The following MPRIP variants were observed in gnomAD, a reference collection of about 807,000 sequenced individuals.
The protein encoded by MPRIP is myosin phosphatase Rho-interacting protein.
A neutral mutation model predicts 234.9 loss-of-function variants in MPRIP; 59 were observed. The ratio of observed to expected loss-of-function variants is 0.25; its 90% CI spans 0.20 to 0.31. MPRIP has a LOEUF of 0.31. MPRIP is among the 10% of genes least tolerant of loss of function. The probability of loss-of-function intolerance (pLI) is 1.00; values close to 1 mark genes in which losing one functional copy is unlikely to be tolerated. For missense variants in MPRIP, 2,436 were observed against 3,071.0 expected, an observed-to-expected ratio of 0.79 and a Z score of 4.89; for synonymous variants, 1,144 against 1,263.9, an observed-to-expected ratio of 0.91 and a Z score of 2.01.
At chr17:17,084,447 A>G (rs545164570) in intron 3 of MPRIP, among the ~76,000 whole-genome samples, 2 of 152,280 alleles carry the variant, frequency 1.3e-5, no homozygotes, top group East Asian at 3.9e-4. Flanking sequence ...CCCATTCTCT[A>G]TCCTACTTCT....
At chr17:17,048,944 C>A (rs2088444938) in intron 1 of MPRIP, among the ~76,000 whole-genome samples, 1 of 152,222 alleles carries the variant, frequency 6.6e-6, no homozygotes, top group South Asian at 2.1e-4. Context: ...AGTGTCCATC[C>A]ACTAATGCGT....
intron 1 of MPRIP, among the ~76,000 whole-genome samples, chr17:17,048,059 C>G (rs865855805): frequency 1.3e-5 from 2 of 151,764 alleles, no homozygotes; most frequent in Non-Finnish European, 1.5e-5. Context: ...GGTGATGTCT[C>G]TTTCTCCTGC....
At chr17:17,072,564 G>C (rs116407203) in intron 1 of MPRIP, among the ~76,000 whole-genome samples, 35 of 152,342 alleles carry the variant, frequency 2.3e-4, no homozygotes, top group African/African-American at 7.7e-4. Flanking sequence ...TGAGTTGTTA[G>C]AGACTGAGGG....
In MPRIP at chr17:17,096,861, G is replaced by A. The variant is rs1182079287; in HGVS notation, c.267+18785G>A. 12 of 454,248 alleles carry A rather than the reference G, an allele frequency of 2.6e-5. No homozygotes were observed. In the East Asian group the frequency reaches 8.4e-4, roughly 32 times the overall value. 28.1% of individuals were successfully genotyped at this position (454,248 alleles called of 1,614,324 possible). On this transcript the variant is annotated intron_variant, in intron 3 of 23. Transcript: ENST00000651222. Reference sequence around the variant, plus strand: ...GCTGCCTTGCTGTGTGCCTCAGAGGGGCTCAGAGGTGGAAAATAAATATGA... The same window carrying A: ...GCTGCCTTGCTGTGTGCCTCAGAGGAGCTCAGAGGTGGAAAATAAATATGA...
chr17:17,108,545 A>G (rs994194021), intron 3 of MPRIP, among the ~76,000 whole-genome samples: 3 of 152,218 alleles, frequency 2.0e-5, no homozygotes, highest in African/African-American at 7.2e-5. Flanking sequence ...AAATCTTCCC[A>G]GGTGATTACA....
Position 17,075,806 on chromosome 17 carries a change from A to G in MPRIP, c.201+19A>G, listed in dbSNP as rs759569020. 6.2e-7 allele frequency: 1 copy of G among 1,612,932 alleles called. No homozygotes were observed. Among genetic ancestry groups the G allele is most frequent in the African/African-American group, 1.3e-5 (1 of 74,860 alleles). On this transcript the variant is annotated intron_variant, in intron 2 of 23. Coordinates refer to ENST00000651222, the MANE Select transcript of MPRIP (RefSeq NM_001364716.4). ...GTCTCGGGTAAGGGCATCAGAGCCA[A>G]CTCTCAGGGAGGAACCAGAGAAGGG...
At chr17:17,111,350 G>A (rs887828848) in intron 3 of MPRIP, among the ~76,000 whole-genome samples, 1 of 152,090 alleles carries the variant, frequency 6.6e-6, no homozygotes, top group African/African-American at 2.4e-5. Context: ...TGAAGGACAG[G>A]GAAGACCAGC....
Position 17,165,276 on chromosome 17 carries a change from G to A in MPRIP, c.3685G>A (p.Glu1229Lys), listed in dbSNP as rs1216542420. 1.1e-5 allele frequency: 14 copies of A among 1,303,954 alleles called. No individual in the cohort carries two copies. Among genetic ancestry groups the A allele is most frequent in the Middle Eastern group, 2.1e-4 (1 of 4,720 alleles). The allele number at this position is 1,303,954 out of a possible 1,614,324, so 80.8% of individuals were successfully genotyped here. Residue 1229 changes from glutamate (E) to lysine (K), a missense_variant, in exon 16 of 24, where the codon GAG becomes AAG. By Grantham distance (56) the Glu-to-Lys change is moderately conservative (BLOSUM62 1). Transcript: ENST00000651222. ...AAGTGAATCTCCAAAGGACATGGAAGAGCCACGGAGTACCCCTGAAGAGAC... is the reference window on the plus strand; with the variant it reads ...AAGTGAATCTCCAAAGGACATGGAAAAGCCACGGAGTACCCCTGAAGAGAC... ...FASESPKDME[E>K]PRSTPEETER...
chr17:17,136,843 C>T (rs898629199), intron 6 of MPRIP, among the ~76,000 whole-genome samples: 4 of 152,134 alleles, frequency 2.6e-5, no homozygotes, highest in African/African-American at 9.7e-5. Context: ...TCTCACCATC[C>T]GCATTCTGCC....
chr17:17,074,273 G>C (rs1218235722), intron 1 of MPRIP, among the ~76,000 whole-genome samples: 1 of 152,246 alleles, frequency 6.6e-6, no homozygotes, highest in African/African-American at 2.4e-5. Context: ...GGGACTGGTT[G>C]TACCTTTTCC....
chr17:17,043,373 C>T (rs1239496280), intron 1 of MPRIP, among the ~76,000 whole-genome samples: 1 of 152,134 alleles, frequency 6.6e-6, no homozygotes, highest in East Asian at 1.9e-4. Context: ...CTGTGGGCTT[C>T]CGTCTAGTGG....
At chr17:17,131,478 G>A in intron 4 of MPRIP, 139 bp from the exon 5 acceptor site, 2 of 672,658 alleles carry the variant, frequency 3.0e-6, no homozygotes, top group East Asian at 2.7e-5. Context: ...TTGCTCTGTG[G>A]CACTTCTGGC....
At chr17:17,092,622 T>C (rs979820497) in intron 3 of MPRIP, among the ~76,000 whole-genome samples, 1 of 152,156 alleles carries the variant, frequency 6.6e-6, no homozygotes, top group African/African-American at 2.4e-5. Context: ...GATCAGACCC[T>C]GCGCTGAGCT....
chr17:17,165,324 C>G lies in MPRIP; in HGVS notation c.3733C>G (p.Pro1245Ala). Residue 1245 changes from proline (P) to alanine (A), a missense_variant, in exon 16 of 24, where the codon CCA becomes GCA. Around this residue, in one of 4 missense-constraint regions of MPRIP, gnomAD observed 1,998 missense variants for 2,520.3 expected, o/e 0.79. Coordinates refer to ENST00000651222, the MANE Select transcript of MPRIP (RefSeq NM_001364716.4). ...EETERDGTLL[P>A]GQPVQATRAP... ...GACAGAAAGGGATGGCACTTTGCTC[C>G]CAGGCCAACCAGTCCAAGCCACTAG... is the stretch of plus-strand genomic sequence containing the variant. 1 of 1,304,056 alleles carries G rather than the reference C, an allele frequency of 7.7e-7. No individual in the cohort carries two copies. Among genetic ancestry groups the G allele is most frequent in the Non-Finnish European group, 1.0e-6 (1 of 988,952 alleles). The allele number at this position is 1,304,056 out of a possible 1,614,324, so 80.8% of individuals were successfully genotyped here. A position where few individuals can be genotyped will look rare whatever the true frequency, so the allele number is the denominator to read the frequency against.
intron 3 of MPRIP, among the ~76,000 whole-genome samples, chr17:17,089,933 G>A (rs1159675852): frequency 6.6e-6 from 1 of 152,206 alleles, no homozygotes; most frequent in African/African-American, 2.4e-5. Flanking sequence ...GCAGAGCTTT[G>A]AAGGTTTCCC....
chr17:17,181,347 C>T (rs945020811), intron 23 of MPRIP, among the ~76,000 whole-genome samples: 2 of 152,090 alleles, frequency 1.3e-5, no homozygotes, highest in African/African-American at 2.4e-5. Flanking sequence ...GGAATGAGAA[C>T]ATGGAGGAAA....
chr17:17,131,124 C>T (rs1198676806), intron 4 of MPRIP, among the ~76,000 whole-genome samples: 1 of 152,166 alleles, frequency 6.6e-6, no homozygotes, highest in Non-Finnish European at 1.5e-5. Flanking sequence ...CCAGGGTGCC[C>T]AGCACCCTCC....
chr17:17,186,470 CA>C lies in MPRIP; in HGVS notation c.*1578del, dbSNP rs1415306450. ...CTCCACTGGCATCGAGCCCTTTCCA[CA>C]AGTTTTTAAGGCTCTTAACCCACAC... On this transcript the variant is annotated 3_prime_UTR_variant, in exon 24 of 24. Coordinates refer to ENST00000651222, the MANE Select transcript of MPRIP (RefSeq NM_001364716.4). The C allele has an allele frequency of 2.0e-5, 3 of 152,218 alleles. No individual in the cohort carries two copies. The highest frequency in any genetic ancestry group is 4.4e-5 in the Non-Finnish European group (3 of 68,046). The allele number at this position is 152,218 out of a possible 1,614,324, so 9.4% of individuals were successfully genotyped here.
At chr17:17,120,494 C>T (rs2090368420) in intron 3 of MPRIP, among the ~76,000 whole-genome samples, 1 of 152,136 alleles carries the variant, frequency 6.6e-6, no homozygotes, top group South Asian at 2.1e-4. Context: ...AGGGTGTGCT[C>T]ATCTCTTTGG....
Sources: gnomAD v4.1 joint callset for allele counts (sites outside exome capture counted in the v4.1 genomes callset) on GRCh38, gnomAD v4.1.1 for gene constraint, gnomAD v4.1.1 regional missense constraint, MANE v1.5 for transcripts, NCBI Gene and HGNC (gene_info 2026-07-23, HGNC 2026-07-21) for gene names.